SGCZ: variants seen among roughly 807,000 people sequenced by gnomAD.
The protein encoded by SGCZ is sarcoglycan zeta.
In SGCZ, 40 loss-of-function variants were observed where a neutral mutation model predicts 41.3. The ratio of observed to expected loss-of-function variants is 0.97; its 90% CI spans 0.75 to 1.26. The LOEUF (loss-of-function observed/expected upper bound fraction) is 1.26. Among genes scored for constraint, SGCZ ranks in the 50% most tolerant of loss-of-function variants. The probability of loss-of-function intolerance (pLI) is 0.00; values close to 1 mark genes in which losing one functional copy is unlikely to be tolerated. For synonymous variants in SGCZ, 206 were observed against 137.5 expected, an observed-to-expected ratio of 1.50 and a Z score of -3.49; for missense variants, 552 against 369.8, an observed-to-expected ratio of 1.49 and a Z score of -4.04.
intron 3 of SGCZ, among the ~76,000 whole-genome samples, chr8:14,322,669 G>C (rs1384506273): frequency 2.0e-5 from 3 of 152,116 alleles, no homozygotes; most frequent in African/African-American, 7.2e-5. Flanking sequence ...AATCATTTCT[G>C]CTGTCCCTGG....
chr8:14,424,114 G>T (rs1313268162), intron 2 of SGCZ, among the ~76,000 whole-genome samples: 1 of 152,060 alleles, frequency 6.6e-6, no homozygotes, highest in East Asian at 1.9e-4. Flanking sequence ...TTCAGCCAGG[G>T]GGAAATTTTT....
chr8:14,302,826 A>C (rs1210501429), intron 3 of SGCZ, among the ~76,000 whole-genome samples: 3 of 152,206 alleles, frequency 2.0e-5, no homozygotes, highest in South Asian at 2.1e-4. Context: ...ATTGTATCCT[A>C]AATACAATTC....
At chr8:14,476,653 A>G (rs903351782) in intron 2 of SGCZ, among the ~76,000 whole-genome samples, 5 of 152,256 alleles carry the variant, frequency 3.3e-5, no homozygotes, top group African/African-American at 1.2e-4. Context: ...TCTATGTTTC[A>G]AATTCTACCC....
At chr8:14,604,065 G>A (rs982935139) in intron 1 of SGCZ, among the ~76,000 whole-genome samples, 3 of 151,536 alleles carry the variant, frequency 2.0e-5, no homozygotes, top group Non-Finnish European at 2.9e-5. Flanking sequence ...TTTGTTCCCC[G>A]AGAAATTATC....
At chr8:14,251,836 C>G (rs796067873) in intron 3 of SGCZ, among the ~76,000 whole-genome samples, 1 of 152,216 alleles carries the variant, frequency 6.6e-6, no homozygotes, top group Admixed American at 6.5e-5. Context: ...CTGCCTCAGC[C>G]TCCTGAGTGG....
intron 1 of SGCZ, among the ~76,000 whole-genome samples, chr8:15,101,649 G>A (rs993629887): frequency 5.9e-5 from 9 of 152,084 alleles, no homozygotes; most frequent in East Asian, 1.9e-4. Flanking sequence ...GGTAAAAATC[G>A]GCCAGGAGCG....
chr8:14,709,576 T>G (rs2117620011), intron 1 of SGCZ, among the ~76,000 whole-genome samples: 1 of 152,216 alleles, frequency 6.6e-6, no homozygotes, highest in Non-Finnish European at 1.5e-5. Context: ...TAAGCAGGAA[T>G]GCAAAGTTAA....
At chr8:14,986,265 T>C (rs1295298518) in intron 1 of SGCZ, among the ~76,000 whole-genome samples, 2 of 152,096 alleles carry the variant, frequency 1.3e-5, no homozygotes, top group African/African-American at 2.4e-5. Context: ...ATATTACACA[T>C]TATAGAAAAC....
Position 15,174,094 on chromosome 8 carries a change from C to G in SGCZ, c.39+63491G>C, listed in dbSNP as rs558098764. On this transcript the variant is annotated intron_variant, in intron 1 of 7. Coordinates refer to ENST00000382080, the MANE Select transcript of SGCZ (RefSeq NM_139167.4). ...TCATTGATCATGCTGCATATTATAC[C>G]AACAGATCTATTTTAATGGATGTTA... Among the ~76,000 whole-genome samples, 145 of 152,154 alleles carry G rather than the reference C, an allele frequency of 9.5e-4. 1 individual carries two copies. The highest frequency in any genetic ancestry group is 3.5e-3 in the African/African-American group (144 of 41,516).
chr8:14,343,922 A>C (rs1473349699), intron 2 of SGCZ, among the ~76,000 whole-genome samples: 1 of 152,200 alleles, frequency 6.6e-6, no homozygotes, highest in Admixed American at 6.5e-5. Flanking sequence ...AAAAGAGGTG[A>C]TCCAATTGAG....
At chr8:15,184,955 G>T (rs1279400577) in intron 1 of SGCZ, among the ~76,000 whole-genome samples, 1 of 152,000 alleles carries the variant, frequency 6.6e-6, no homozygotes, top group Non-Finnish European at 1.5e-5. Flanking sequence ...ACTGTAACTG[G>T]GGAGTCTCTA....
intron 1 of SGCZ, among the ~76,000 whole-genome samples, chr8:15,130,763 T>G (rs1270224797): frequency 6.6e-6 from 1 of 152,224 alleles, no homozygotes; most frequent in East Asian, 1.9e-4. Flanking sequence ...GCCAAAATTA[T>G]GCATACTACC....
At chr8:14,308,583 T>C (rs981748248) in intron 3 of SGCZ, among the ~76,000 whole-genome samples, 1 of 151,996 alleles carries the variant, frequency 6.6e-6, no homozygotes, top group African/African-American at 2.4e-5. Context: ...TTTGTTTTTC[T>C]ATGATTTTAT....
At chr8:14,831,337 A>T (rs916844800) in intron 1 of SGCZ, among the ~76,000 whole-genome samples, 5 of 152,168 alleles carry the variant, frequency 3.3e-5, no homozygotes, top group African/African-American at 1.2e-4. Flanking sequence ...GAAGAGGACT[A>T]TACTTATTCC....
intron 1 of SGCZ, among the ~76,000 whole-genome samples, chr8:14,756,508 G>A (rs1459328345): frequency 5.3e-5 from 8 of 152,042 alleles, no homozygotes; most frequent in Admixed American, 5.2e-4. Context: ...TTTGTTTCTT[G>A]TTCCCTTTTC....
intron 2 of SGCZ, among the ~76,000 whole-genome samples, chr8:14,451,165 C>G (rs150648638): frequency 6.6e-5 from 10 of 152,256 alleles, no homozygotes; most frequent in African/African-American, 2.2e-4. Flanking sequence ...TATAAACCAG[C>G]CTCTCTCTTT....
chr8:14,847,120 AAGAAGAAAGAAG>A (rs1585314612), intron 1 of SGCZ, among the ~76,000 whole-genome samples: 11 of 107,846 alleles, frequency 1.0e-4, no homozygotes, highest in East Asian at 2.8e-4. Context: ...AAAGAAGAAG[AAGAAGAAAGAAG>A]AAGAAGAAGA....
rs957809320 is a variant in SGCZ at position 15,237,983 on chromosome 8, C to A, written c.-360G>T. The A allele has an allele frequency of 2.1e-5, 4 of 187,840 alleles. No individual in the cohort carries two copies. Among genetic ancestry groups the A allele is most frequent in the African/African-American group, 9.4e-5 (4 of 42,632 alleles). The allele number at this position is 187,840 out of a possible 1,614,324, so 11.6% of individuals were successfully genotyped here. ...AAGCTTAGAACCCAGCGAATTGCTG[C>A]ATCCCGAGAAAAAAAGCTGCTTCCC... On this transcript the variant is annotated 5_prime_UTR_variant, in exon 1 of 8. It removes an upstream start codon present in the reference 5' UTR. Transcript: ENST00000382080.
chr8:15,102,118 T>C lies in SGCZ; in HGVS notation c.39+135467A>G, dbSNP rs1463434406. Among the ~76,000 whole-genome samples, 9 of 152,212 alleles carry C rather than the reference T, an allele frequency of 5.9e-5. No individual in the cohort carries two copies. In the East Asian group the frequency reaches 7.7e-4, roughly 13 times the overall value. On this transcript the variant is annotated intron_variant, in intron 1 of 7. Coordinates refer to ENST00000382080, the MANE Select transcript of SGCZ (RefSeq NM_139167.4). ...ACAAAAACCTGCACAACAGTATTTA[T>C]AGCAGCTTTATTCATAATTGCCAAA...
Sources: allele counts gnomAD v4.1 joint callset (sites outside exome capture counted in the v4.1 genomes callset), GRCh38; gene constraint gnomAD v4.1.1; transcripts MANE v1.5; gene names NCBI Gene and HGNC (gene_info 2026-07-23, HGNC 2026-07-21).